The following GRIN2A variants were observed in gnomAD, a reference collection of about 807,000 sequenced individuals.
GRIN2A encodes the protein glutamate ionotropic receptor NMDA type subunit 2A.
A neutral mutation model predicts 113.4 loss-of-function variants in GRIN2A; 22 were observed. The ratio of observed to expected loss-of-function variants is 0.19; its 90% CI spans 0.14 to 0.28. The LOEUF (loss-of-function observed/expected upper bound fraction) is 0.28, where lower values mean the gene tolerates loss of function less well. Among genes scored for constraint, GRIN2A ranks in the 10% least tolerant of loss-of-function variants. The pLI is 1.00. For missense variants in GRIN2A, 1,502 were observed against 1,887.0 expected (o/e 0.80, Z 3.78); for synonymous variants, 827 against 738.4 (o/e 1.12, Z -1.94).
intron 2 of GRIN2A, among the ~76,000 whole-genome samples, chr16:9,972,803 G>A (rs560716455): frequency 8.5e-5 from 13 of 152,308 alleles, no homozygotes; most frequent in East Asian, 3.9e-4. Flanking sequence ...AGACAGAGCC[G>A]ATTTATCAAG....
chr16:9,948,121 G>A (rs776217409), intron 2 of GRIN2A, among the ~76,000 whole-genome samples: 17 of 152,318 alleles, frequency 1.1e-4, no homozygotes, highest in Non-Finnish European at 2.1e-4. Context: ...CCATCCCAAT[G>A]TTAAACCTGA....
At chr16:10,025,592 A>G (rs1192393333) in intron 2 of GRIN2A, among the ~76,000 whole-genome samples, 1 of 152,100 alleles carries the variant, frequency 6.6e-6, no homozygotes, top group African/African-American at 2.4e-5. Context: ...GTGAATCACC[A>G]TGCCTGACAC....
chr16:9,878,611 G>A (rs1039761921), intron 4 of GRIN2A, among the ~76,000 whole-genome samples: 2 of 152,048 alleles, frequency 1.3e-5, no homozygotes, highest in East Asian at 1.9e-4. Context: ...GAACATCACC[G>A]TCATCACCAT....
intron 2 of GRIN2A, among the ~76,000 whole-genome samples, chr16:10,085,198 G>A (rs1397607946): frequency 6.6e-6 from 1 of 152,148 alleles, no homozygotes. Flanking sequence ...TTCTTATAAG[G>A]GGTTGCAGCC....
rs564168561 is a variant in GRIN2A at position 10,176,781 on chromosome 16, T to C, written c.414+3217A>G. Reference sequence around the variant, plus strand: ...AGTTAATGGGTGCAGCACACCAACATGGCACATGTATACATATGTAACAAA... The same window carrying C: ...AGTTAATGGGTGCAGCACACCAACACGGCACATGTATACATATGTAACAAA... On this transcript the variant is annotated intron_variant, in intron 2 of 12. Coordinates refer to ENST00000330684, the MANE Select transcript of GRIN2A (RefSeq NM_001134407.3). 2.8e-4 allele frequency among the ~76,000 whole-genome samples: 42 copies of C among 152,102 alleles called. No homozygotes were observed. The South Asian group carries it at 6.9e-3, about 25-fold the overall frequency.
At chr16:9,798,219 C>A in intron 11 of GRIN2A, 58 bp downstream of exon 11, 1 of 1,426,612 alleles carries the variant, frequency 7.0e-7, no homozygotes, top group African/African-American at 1.4e-5. Flanking sequence ...CAGGAGCAAA[C>A]AAAGCGAGTG....
chr16:10,106,952 T>C (rs2048512109), intron 2 of GRIN2A, among the ~76,000 whole-genome samples: 1 of 151,874 alleles, frequency 6.6e-6, no homozygotes, highest in Non-Finnish European at 1.5e-5. Context: ...AGGAAGAAAC[T>C]AAGACAAATG....
At chr16:10,028,158 A>T (rs996052671) in intron 2 of GRIN2A, among the ~76,000 whole-genome samples, 1 of 152,220 alleles carries the variant, frequency 6.6e-6, no homozygotes, top group Non-Finnish European at 1.5e-5. Flanking sequence ...TATGTCACTT[A>T]CTGCTTGCAG....
chr16:9,866,478 T>C (rs1288435973), intron 4 of GRIN2A, among the ~76,000 whole-genome samples: 1 of 150,808 alleles, frequency 6.6e-6, no homozygotes, highest in African/African-American at 2.4e-5. Flanking sequence ...AATAAAGGGA[T>C]ACCATGGGAC....
chr16:9,867,624 C>T (rs1387727666), intron 4 of GRIN2A, among the ~76,000 whole-genome samples: 1 of 152,212 alleles, frequency 6.6e-6, no homozygotes, highest in Admixed American at 6.5e-5. Context: ...GTGCACTGCA[C>T]ATAAGCCCCT....
intron 2 of GRIN2A, among the ~76,000 whole-genome samples, chr16:10,149,938 T>C (rs189057602): frequency 6.6e-6 from 1 of 152,314 alleles, no homozygotes; most frequent in East Asian, 1.9e-4. Context: ...ATTGTACAGA[T>C]CTCGAACCAG....
intron 4 of GRIN2A, among the ~76,000 whole-genome samples, chr16:9,883,601 A>C (rs192496492): frequency 6.6e-6 from 1 of 152,178 alleles, no homozygotes; most frequent in Non-Finnish European, 1.5e-5. Flanking sequence ...CTTGGGGGAC[A>C]CTCCGGGGAT....
chr16:9,998,946 G>T (rs140571116), intron 2 of GRIN2A, among the ~76,000 whole-genome samples: 2 of 152,122 alleles, frequency 1.3e-5, no homozygotes, highest in Non-Finnish European at 2.9e-5. Context: ...GTGCGGGTAG[G>T]GGGTGTGGAA....
In GRIN2A at chr16:9,759,104, T is replaced by G. The variant is rs1900473877; in HGVS notation, c.*4045A>C. On this transcript the variant is annotated 3_prime_UTR_variant, in exon 13 of 13. Coordinates refer to ENST00000330684, the MANE Select transcript of GRIN2A (RefSeq NM_001134407.3). ...TATGCACAAAGAAACAGTACAGGAA[T>G]GTGCATAATGTTAACGAATATATCC... is the stretch of plus-strand genomic sequence containing the variant. 4.6e-6 allele frequency: 1 copy of G among 218,114 alleles called. No individual in the cohort carries two copies. The highest frequency in any genetic ancestry group is 9.2e-6 in the Non-Finnish European group (1 of 108,688). 13.5% of individuals were successfully genotyped at this position (218,114 alleles called of 1,614,324 possible). A position where few individuals can be genotyped will look rare whatever the true frequency, so the allele number is the denominator to read the frequency against.
chr16:10,080,556 A>C (rs2047958921), intron 2 of GRIN2A, among the ~76,000 whole-genome samples: 1 of 152,222 alleles, frequency 6.6e-6, no homozygotes, highest in African/African-American at 2.4e-5. Context: ...GAAGCCGAGC[A>C]ACACGCCTGC....
intron 2 of GRIN2A, among the ~76,000 whole-genome samples, chr16:10,027,995 C>A (rs981455203): frequency 1.3e-5 from 2 of 152,120 alleles, no homozygotes; most frequent in Non-Finnish European, 2.9e-5. Context: ...CAGAACAGTG[C>A]GGGAGGTTGG....
At chr16:9,980,618 A>G (rs1302016845) in intron 2 of GRIN2A, among the ~76,000 whole-genome samples, 1 of 152,182 alleles carries the variant, frequency 6.6e-6, no homozygotes, top group Non-Finnish European at 1.5e-5. Context: ...CTAGATTAAG[A>G]AAATGTGGCA....
At chr16:10,007,709 G>T (rs2046429758) in intron 2 of GRIN2A, among the ~76,000 whole-genome samples, 1 of 152,104 alleles carries the variant, frequency 6.6e-6, no homozygotes. Context: ...GGGGCTAAAA[G>T]TTCTCGGTAA....
intron 2 of GRIN2A, among the ~76,000 whole-genome samples, chr16:10,176,711 AG>A (rs1169154997): frequency 2.4e-5 from 2 of 82,372 alleles, no homozygotes; most frequent in African/African-American, 9.5e-5. Context: ...GGGTGGGGGG[AG>A]GGGGGATGGA....
Sources: gnomAD v4.1 joint callset for allele counts (sites outside exome capture counted in the v4.1 genomes callset) on GRCh38, gnomAD v4.1.1 for gene constraint, MANE v1.5 for transcripts, NCBI Gene and HGNC (gene_info 2026-07-23, HGNC 2026-07-21) for gene names.